The following TMPRSS15 variants were observed in gnomAD, a reference collection of about 807,000 sequenced individuals.
TMPRSS15 encodes transmembrane serine protease 15.
Under a neutral mutation model 125.3 loss-of-function variants are expected in TMPRSS15, and 128 were observed. That is an observed-to-expected ratio of 1.02 (90% CI 0.89 to 1.18). The LOEUF is 1.18. TMPRSS15 is among the 50% of genes most tolerant of loss of function. TMPRSS15 has a pLI of 0.00. For missense variants in TMPRSS15, 1,283 were observed against 1,212.7 expected (o/e 1.06, Z -0.86); for synonymous variants, 446 against 423.2 (o/e 1.05, Z -0.66).
At chr21:18,291,029 C>T (rs1161199289) in intron 21 of TMPRSS15, among the ~76,000 whole-genome samples, 2 of 152,178 alleles carry the variant, frequency 1.3e-5, no homozygotes, top group East Asian at 1.9e-4. Context: ...CAAGACTTGG[C>T]GTCTTCTTTC....
At chr21:18,362,490 C>T (rs773418963) in intron 7 of TMPRSS15, among the ~76,000 whole-genome samples, 35 of 152,062 alleles carry the variant, frequency 2.3e-4, no homozygotes, top group African/African-American at 7.5e-4. Flanking sequence ...AAAGTGCAGA[C>T]GATTTTCCAC....
rs1461927983 is a variant in TMPRSS15, at chr21:18,396,808, G to GTCTGTCTGTCTA, written c.344+1070_344+1071insTAGACAGACAGA. On this transcript the variant is annotated intron_variant, in intron 3 of 24. Coordinates refer to ENST00000284885, the MANE Select transcript of TMPRSS15 (RefSeq NM_002772.3). ...AAAAAAAAAATCTGTCTGTCTGTCTGTCTATCTATCTATCTATCTATCTAT... is the reference window on the plus strand; with the variant it reads ...AAAAAAAAAATCTGTCTGTCTGTCTGTCTGTCTGTCTATCTATCTATCTATCTATCTATCTAT... 4.4e-3 allele frequency among the ~76,000 whole-genome samples: 479 copies of GTCTGTCTGTCTA among 107,870 alleles called. 5 individuals are homozygous for GTCTGTCTGTCTA. The highest frequency in any genetic ancestry group is 7.4e-3 in the African/African-American group (207 of 27,856). 70.8% of individuals were successfully genotyped at this position (107,870 alleles called of 152,430 possible).
At chr21:18,303,128 C>T (rs1021157253) in intron 18 of TMPRSS15, among the ~76,000 whole-genome samples, 10 of 151,990 alleles carry the variant, frequency 6.6e-5, no homozygotes, top group African/African-American at 1.7e-4. Flanking sequence ...TTCCTTTTTG[C>T]GTGGGTCTCC....
chr21:18,341,198 A>T (rs531369056), intron 13 of TMPRSS15, among the ~76,000 whole-genome samples: 1 of 152,230 alleles, frequency 6.6e-6, no homozygotes, highest in Non-Finnish European at 1.5e-5. Context: ...GGTAGCTGGG[A>T]CTACAGGTAT....
At chr21:18,315,854 T>C (rs1462780531) in intron 16 of TMPRSS15, among the ~76,000 whole-genome samples, 3 of 146,134 alleles carry the variant, frequency 2.1e-5, no homozygotes, top group East Asian at 2.0e-4. Context: ...AAAATATATA[T>C]ATATATAAAA....
intron 18 of TMPRSS15, among the ~76,000 whole-genome samples, chr21:18,305,183 C>CTGTTT (rs2075018765): frequency 1.2e-5 from 1 of 86,044 alleles, no homozygotes; most frequent in African/African-American, 4.4e-5. Context: ...AATTTCCGTA[C>CTGTTT]TTTTTTTTTT....
chr21:18,371,412 C>T (rs7281980), intron 6 of TMPRSS15, among the ~76,000 whole-genome samples: 69,489 of 151,980 alleles, frequency 0.46, 16,249 homozygotes, highest in Non-Finnish European at 0.48. Flanking sequence ...AAATTACCTA[C>T]TTAGATGCTG....
intron 21 of TMPRSS15, among the ~76,000 whole-genome samples, chr21:18,284,651 G>A (rs559234634): frequency 3.3e-5 from 5 of 152,268 alleles, no homozygotes; most frequent in African/African-American, 9.6e-5. Context: ...AGATAGATGG[G>A]CATAGGAGAA....
intron 1 of TMPRSS15, among the ~76,000 whole-genome samples, chr21:18,449,767 C>A (rs940014701): frequency 6.6e-6 from 1 of 151,802 alleles, no homozygotes; most frequent in African/African-American, 2.4e-5. Flanking sequence ...TCACAGTCAT[C>A]CTTGAATCAC....
intron 7 of TMPRSS15, among the ~76,000 whole-genome samples, chr21:18,361,469 C>T (rs188289197): frequency 1.8e-4 from 27 of 152,182 alleles, no homozygotes; most frequent in African/African-American, 6.5e-4. Context: ...CAAGCAGGAG[C>T]CCTGAGAAGT....
At chr21:18,449,354 A>C (rs1378275219) in intron 1 of TMPRSS15, among the ~76,000 whole-genome samples, 1 of 152,132 alleles carries the variant, frequency 6.6e-6, no homozygotes, top group African/African-American at 2.4e-5. Flanking sequence ...CCCAGAGTTG[A>C]AGTTACATGT....
At chr21:18,361,964 GA>G (rs1287977311) in intron 7 of TMPRSS15, among the ~76,000 whole-genome samples, 1 of 152,002 alleles carries the variant, frequency 6.6e-6, no homozygotes, top group South Asian at 2.1e-4. Context: ...GTGTATTTTG[GA>G]ATGTATATTT....
At chr21:18,349,146 A>C (rs2075538625) in intron 10 of TMPRSS15, among the ~76,000 whole-genome samples, 2 of 152,206 alleles carry the variant, frequency 1.3e-5, no homozygotes, top group Non-Finnish European at 2.9e-5. Context: ...GAAACGAAAG[A>C]AACATTTTAT....
At chr21:18,475,462 C>T (rs978750588) in intron 1 of TMPRSS15, among the ~76,000 whole-genome samples, 6 of 151,962 alleles carry the variant, frequency 3.9e-5, no homozygotes, top group African/African-American at 7.3e-5. Flanking sequence ...TGTGGTGTCG[C>T]GGGCCTGTAG....
chr21:18,326,302 A>G lies in TMPRSS15; in HGVS notation c.1921+130T>C, dbSNP rs572401869. ...ATGTAAAGGAGGAAAAATCATCTTC[A>G]TTAAGATGAGGAAGAATAAGTGTCA... On this transcript the variant is annotated intron_variant, in intron 16 of 24. Coordinates refer to ENST00000284885, the MANE Select transcript of TMPRSS15 (RefSeq NM_002772.3). 1.3e-5 allele frequency: 17 copies of G among 1,334,040 alleles called. No individual in the cohort carries two copies. In the South Asian group the frequency reaches 1.9e-4, roughly 15 times the overall value. 82.6% of individuals were successfully genotyped at this position (1,334,040 alleles called of 1,614,324 possible).
intron 1 of TMPRSS15, among the ~76,000 whole-genome samples, chr21:18,474,372 C>G (rs1167178666): frequency 6.6e-6 from 1 of 151,712 alleles, no homozygotes; most frequent in Non-Finnish European, 1.5e-5. Flanking sequence ...CTCACTGCAA[C>G]CTTCGCCTCT....
At chr21:18,295,738 C>T (rs1204828389) in intron 19 of TMPRSS15, among the ~76,000 whole-genome samples, 1 of 152,118 alleles carries the variant, frequency 6.6e-6, no homozygotes, top group Non-Finnish European at 1.5e-5. Context: ...GCATGTATAT[C>T]AATCTAGATA....
intron 10 of TMPRSS15, among the ~76,000 whole-genome samples, chr21:18,352,582 G>A (rs2075580848): frequency 6.6e-6 from 1 of 151,928 alleles, no homozygotes; most frequent in African/African-American, 2.4e-5. Flanking sequence ...CTTCAGAAAA[G>A]CTAATTGCCT....
At chr21:18,316,042 A>AT (rs1569002926) in intron 16 of TMPRSS15, among the ~76,000 whole-genome samples, 4 of 150,134 alleles carry the variant, frequency 2.7e-5, no homozygotes, top group African/African-American at 9.8e-5. Context: ...TATATATATA[A>AT]AATAATAAAC....
Sources: allele counts gnomAD v4.1 joint callset (sites outside exome capture counted in the v4.1 genomes callset), GRCh38; gene constraint gnomAD v4.1.1; transcripts MANE v1.5; gene names NCBI Gene and HGNC (gene_info 2026-07-23, HGNC 2026-07-21).